The following PPFIA2 variants were observed in gnomAD, a reference collection of about 807,000 sequenced individuals.
PPFIA2 encodes liprin-alpha-2.
PPFIA2 carries 46 observed loss-of-function variants against 175.5 expected under a neutral mutation model. The observed-to-expected ratio is 0.26, with a 90% confidence interval of 0.21 to 0.34. The LOEUF is 0.34. PPFIA2 is among the 10% of genes least tolerant of loss of function. PPFIA2 has a pLI of 1.00. For missense variants in PPFIA2, 1,179 were observed against 1,506.1 expected, an observed-to-expected ratio of 0.78 and a Z score of 3.60; for synonymous variants, 568 against 511.4, an observed-to-expected ratio of 1.11 and a Z score of -1.49.
intron 3 of PPFIA2, among the ~76,000 whole-genome samples, chr12:81,729,475 T>C (rs959779828): frequency 6.6e-6 from 1 of 151,562 alleles, no homozygotes; most frequent in Non-Finnish European, 1.5e-5. Flanking sequence ...ATATTGTGAA[T>C]AGTTTCAGAT....
chr12:81,485,265 T>C (rs189420940), intron 4 of PPFIA2, among the ~76,000 whole-genome samples: 1 of 151,976 alleles, frequency 6.6e-6, no homozygotes, highest in African/African-American at 2.4e-5. Context: ...TTATTTTAGT[T>C]GTTCTCTTAT....
At position 81,754,140 on chromosome 12, in the gene PPFIA2, C is replaced by A. The variant is rs553793359; in HGVS notation, c.82G>T (p.Asp28Tyr). The A allele has an allele frequency of 6.2e-7, 1 of 1,613,516 alleles. No homozygotes were observed. The highest frequency in any genetic ancestry group is 8.5e-7 in the Non-Finnish European group (1 of 1,179,714). The part of the protein sequence containing the change: ...RGSQSSGSDS[D>Y]SHFEQLMVNM... ...ACCATCAGCTGCTCAAAATGGGAGT[C>A]TGAGTCCGAGCCACTGCTTTGGGAC... Residue 28 changes from aspartate to tyrosine, a missense_variant, in exon 3 of 33, where the codon GAC becomes TAC. Physicochemically the swap from Asp to Tyr is radical, Grantham distance 160. Coordinates refer to ENST00000549396, the MANE Select transcript of PPFIA2 (RefSeq NM_003625.5).
At chr12:81,504,215 T>C (rs1334755057) in intron 4 of PPFIA2, among the ~76,000 whole-genome samples, 2 of 152,022 alleles carry the variant, frequency 1.3e-5, no homozygotes, top group African/African-American at 2.4e-5. Flanking sequence ...AGGCAATCTA[T>C]AGAATGGGAT....
intron 8 of PPFIA2, among the ~76,000 whole-genome samples, chr12:81,393,050 C>T (rs2040442770): frequency 6.6e-6 from 1 of 151,912 alleles, no homozygotes; most frequent in Non-Finnish European, 1.5e-5. Context: ...TTTTTTCTAA[C>T]CTTGTTTCTT....
At chr12:81,498,856 C>T (rs558672157) in intron 4 of PPFIA2, among the ~76,000 whole-genome samples, 1 of 152,246 alleles carries the variant, frequency 6.6e-6, no homozygotes, top group African/African-American at 2.4e-5. Context: ...AACTACTGAC[C>T]TTGTGATCCC....
At chr12:81,533,592 A>G (rs930011224) in intron 4 of PPFIA2, among the ~76,000 whole-genome samples, 2 of 151,526 alleles carry the variant, frequency 1.3e-5, no homozygotes, top group Non-Finnish European at 3.0e-5. Context: ...TGCTCTGAAT[A>G]AGAAATAGTT....
intron 4 of PPFIA2, among the ~76,000 whole-genome samples, chr12:81,477,715 G>T (rs1179832076): frequency 1.3e-5 from 2 of 152,112 alleles, no homozygotes; most frequent in African/African-American, 2.4e-5. Context: ...TTATTGATTT[G>T]CATATGTTGA....
chr12:81,384,202 G>A lies in PPFIA2; in HGVS notation c.805C>T (p.Gln269Ter). The change falls in exon 9 of 33, where the codon CAA (glutamine) becomes TAA (stop). Residue 269 changes from glutamine (Q) to a stop codon, truncating the protein, a stop_gained. Coordinates refer to ENST00000549396, the MANE Select transcript of PPFIA2 (RefSeq NM_003625.5). LOFTEE classifies it high-confidence loss of function. Reference protein sequence around the residue: ...GSIDSTDETSQIVELQELLEK... With the variant: ...GSIDSTDETS ...AGCAATTCTTGTAGTTCAACTATTT[G>A]ACTAGTTTCATCGGTTGAGTCTATA... The A allele has an allele frequency of 6.2e-7, 1 of 1,605,828 alleles. No individual in the cohort carries two copies. The highest frequency in any genetic ancestry group is 1.1e-5 in the South Asian group (1 of 90,342).
intron 3 of PPFIA2, among the ~76,000 whole-genome samples, chr12:81,751,375 A>G (rs2153664194): frequency 6.6e-6 from 1 of 151,962 alleles, no homozygotes; most frequent in South Asian, 2.1e-4. Context: ...GACGGGTGGG[A>G]AAATCAGACC....
intron 4 of PPFIA2, among the ~76,000 whole-genome samples, chr12:81,543,804 G>A (rs1227387363): frequency 6.6e-6 from 1 of 152,124 alleles, no homozygotes; most frequent in Non-Finnish European, 1.5e-5. Flanking sequence ...CATATGATGT[G>A]ATGTTAATGG....
At position 81,701,682 on chromosome 12, in the gene PPFIA2, G is replaced by A. The variant is rs187894056; in HGVS notation, c.250-24838C>T. 2.3e-3 allele frequency among the ~76,000 whole-genome samples: 354 copies of A among 152,082 alleles called. 1 individual carries two copies. Among genetic ancestry groups the A allele is most frequent in the African/African-American group, 8.3e-3 (343 of 41,484 alleles). Reference sequence around the variant, plus strand: ...TTATATAAATCACTAGATAGTTTATGAGACATAGTGCTCAATAAATAAATA... The same window carrying A: ...TTATATAAATCACTAGATAGTTTATAAGACATAGTGCTCAATAAATAAATA... On this transcript the variant is annotated intron_variant, in intron 3 of 32. Transcript: ENST00000549396.
In PPFIA2 at chr12:81,574,759, G is replaced by A. The variant is rs368838316; in HGVS notation, c.303+102032C>T. Among the ~76,000 whole-genome samples the A allele has an allele frequency of 1.5e-4, 23 of 150,990 alleles. No individual in the cohort carries two copies. In the East Asian group the frequency reaches 2.1e-3, roughly 14 times the overall value. On this transcript the variant is annotated intron_variant, in intron 4 of 32. Transcript: ENST00000549396. ...ATAGGGCTTGCATGCAATTAGTCACGTGTATTTATAGAAACAAAGTCCTAA... is the reference window on the plus strand; with the variant it reads ...ATAGGGCTTGCATGCAATTAGTCACATGTATTTATAGAAACAAAGTCCTAA...
intron 4 of PPFIA2, among the ~76,000 whole-genome samples, chr12:81,661,820 C>G (rs1018809514): frequency 3.9e-5 from 6 of 151,902 alleles, no homozygotes; most frequent in African/African-American, 1.4e-4. Context: ...CTCAGCAAAT[C>G]TAAAAGAACA....
chr12:81,603,964 C>G (rs996178276), intron 4 of PPFIA2, among the ~76,000 whole-genome samples: 11 of 151,342 alleles, frequency 7.3e-5, no homozygotes, highest in Admixed American at 3.3e-4. Flanking sequence ...TTAAATTTGC[C>G]TGGTATTGTT....
chr12:81,608,622 G>A (rs917351009), intron 4 of PPFIA2, among the ~76,000 whole-genome samples: 1 of 151,924 alleles, frequency 6.6e-6, no homozygotes, highest in Non-Finnish European at 1.5e-5. Flanking sequence ...TTGTGTTTCT[G>A]TGGGATCAGT....
chr12:81,644,974 C>G (rs1210357183), intron 4 of PPFIA2, among the ~76,000 whole-genome samples: 1 of 116,736 alleles, frequency 8.6e-6, no homozygotes, highest in Non-Finnish European at 1.8e-5. Flanking sequence ...TAAACAAAAA[C>G]ACAAAGGGAG....
chr12:81,576,525 T>G (rs1595156121), intron 4 of PPFIA2, among the ~76,000 whole-genome samples: 1 of 151,908 alleles, frequency 6.6e-6, no homozygotes, highest in African/African-American at 2.4e-5. Context: ...TTTTTACTGT[T>G]TTTCTGGGTC....
intron 4 of PPFIA2, among the ~76,000 whole-genome samples, chr12:81,491,303 T>C (rs2059393209): frequency 6.6e-6 from 1 of 151,952 alleles, no homozygotes; most frequent in Admixed American, 6.6e-5. Flanking sequence ...ATTTTACAGG[T>C]AGGTTATTAC....
intron 4 of PPFIA2, among the ~76,000 whole-genome samples, chr12:81,654,394 A>G (rs566915296): frequency 4.1e-4 from 63 of 152,234 alleles, no homozygotes; most frequent in African/African-American, 1.4e-3. Flanking sequence ...GCCTACTAAC[A>G]TAAAATCCTA....
Sources: gnomAD v4.1 joint callset for allele counts (sites outside exome capture counted in the v4.1 genomes callset) on GRCh38, gnomAD v4.1.1 for gene constraint, MANE v1.5 for transcripts, NCBI Gene and HGNC (gene_info 2026-07-23, HGNC 2026-07-21) for gene names.